The following KCNIP4 variants were observed in gnomAD, a reference collection of about 807,000 sequenced individuals.
KCNIP4 encodes potassium voltage-gated channel interacting protein 4.
KCNIP4 carries 12 observed loss-of-function variants against 34.0 expected under a neutral mutation model. The ratio of observed to expected loss-of-function variants is 0.35; its 90% CI spans 0.23 to 0.57. The LOEUF (loss-of-function observed/expected upper bound fraction) is 0.57, where lower values mean the gene tolerates loss of function less well. Ranked by LOEUF, KCNIP4 falls within the 20% of genes least tolerant of loss-of-function variation. The pLI, the probability that KCNIP4 is intolerant of heterozygous loss-of-function variation, is 0.83. For synonymous variants in KCNIP4, 124 were observed against 102.2 expected, an observed-to-expected ratio of 1.21 and a Z score of -1.29; for missense variants, 238 against 311.7, an observed-to-expected ratio of 0.76 and a Z score of 1.78.
intron 1 of KCNIP4, among the ~76,000 whole-genome samples, chr4:21,170,121 C>G (rs1165747554): frequency 6.6e-6 from 1 of 151,818 alleles, no homozygotes; most frequent in Non-Finnish European, 1.5e-5. Flanking sequence ...AGAGCTTTAC[C>G]AGAGATTTAT....
chr4:20,756,612 C>G (rs1358927200), intron 4 of KCNIP4, among the ~76,000 whole-genome samples: 5 of 151,768 alleles, frequency 3.3e-5, no homozygotes, highest in Admixed American at 3.3e-4. Flanking sequence ...TCTCATCGTC[C>G]TTTTCACCCT....
chr4:21,262,216 G>C (rs932789507), intron 1 of KCNIP4, among the ~76,000 whole-genome samples: 1 of 151,868 alleles, frequency 6.6e-6, no homozygotes, highest in African/African-American at 2.4e-5. Flanking sequence ...TCAGGTCTTG[G>C]TTTTGATGTC....
rs995801248 is a variant in KCNIP4 at position 21,784,315 on chromosome 4, C to T, written c.61+164256G>A. ...ATATATAAAACAAAAACTTACTCGA[C>T]TCCAACAAATCCTGTGCTCTGTCAC... is the stretch of plus-strand genomic sequence containing the variant. On this transcript the variant is annotated intron_variant, in intron 1 of 8. Coordinates refer to ENST00000382152, the MANE Select transcript of KCNIP4 (RefSeq NM_025221.6). Among the ~76,000 whole-genome samples, 6 of 152,210 alleles carry T rather than the reference C, an allele frequency of 3.9e-5. No homozygotes were observed. In the East Asian group the frequency reaches 1.2e-3, roughly 29 times the overall value.
At chr4:21,571,864 G>C (rs1163042115) in intron 1 of KCNIP4, among the ~76,000 whole-genome samples, 2 of 152,088 alleles carry the variant, frequency 1.3e-5, no homozygotes, top group Non-Finnish European at 1.5e-5. Context: ...CATCTATCAA[G>C]CACTTTGCTG....
At chr4:21,657,964 T>C (rs995318370) in intron 1 of KCNIP4, among the ~76,000 whole-genome samples, 8 of 151,956 alleles carry the variant, frequency 5.3e-5, no homozygotes, top group African/African-American at 1.7e-4. Flanking sequence ...CTCAGCTTCC[T>C]GAGTAGCTGG....
At chr4:21,042,809 T>C (rs1445719577) in intron 1 of KCNIP4, among the ~76,000 whole-genome samples, 2 of 152,182 alleles carry the variant, frequency 1.3e-5, no homozygotes, top group Non-Finnish European at 2.9e-5. Flanking sequence ...TTATTATGTG[T>C]CAATCGTGAA....
chr4:21,509,286 G>A (rs553380652), intron 1 of KCNIP4, among the ~76,000 whole-genome samples: 1 of 152,046 alleles, frequency 6.6e-6, no homozygotes, highest in Non-Finnish European at 1.5e-5. Context: ...TGCACAATAG[G>A]TATGATTAAT....
At chr4:20,992,167 T>C (rs1281995234) in intron 1 of KCNIP4, among the ~76,000 whole-genome samples, 1 of 152,114 alleles carries the variant, frequency 6.6e-6, no homozygotes, top group African/African-American at 2.4e-5. Flanking sequence ...AGGAAAGAGG[T>C]TTACTTGACT....
chr4:20,842,511 A>G (rs1719865982), intron 3 of KCNIP4, among the ~76,000 whole-genome samples: 1 of 145,372 alleles, frequency 6.9e-6, no homozygotes. Context: ...CCAATATCTG[A>G]CTTATAGTAG....
Position 21,800,627 on chromosome 4 carries a change from C to T in KCNIP4, c.61+147944G>A, listed in dbSNP as rs535120504. Among the ~76,000 whole-genome samples, 5 of 152,152 alleles carry T rather than the reference C, an allele frequency of 3.3e-5. No homozygotes were observed. The East Asian group carries it at 9.7e-4, about 29-fold the overall frequency. On this transcript the variant is annotated intron_variant, in intron 1 of 8. Transcript: ENST00000382152. Reference sequence around the variant, plus strand: ...CCCAATCATGTACATTTTCTGTTTTCGATGAATGGTTTCTACTTTCATCAT... The same window carrying T: ...CCCAATCATGTACATTTTCTGTTTTTGATGAATGGTTTCTACTTTCATCAT...
At chr4:21,893,077 A>C (rs1225859015) in intron 1 of KCNIP4, among the ~76,000 whole-genome samples, 1 of 152,222 alleles carries the variant, frequency 6.6e-6, no homozygotes, top group Non-Finnish European at 1.5e-5. Context: ...AACCTAATGC[A>C]TTTAGATAAC....
rs186223407 is a variant in KCNIP4, at chr4:21,224,640, G to A, written c.62-341931C>T. 9.6e-4 allele frequency among the ~76,000 whole-genome samples: 125 copies of A among 129,824 alleles called. 1 individual carries two copies. In the East Asian group the frequency reaches 0.025, roughly 25 times the overall value. 85.2% of individuals were successfully genotyped at this position (129,824 alleles called of 152,430 possible). A position where few individuals can be genotyped will look rare whatever the true frequency, so the allele number is the denominator to read the frequency against. On this transcript the variant is annotated intron_variant, in intron 1 of 8. Coordinates refer to ENST00000382152, the MANE Select transcript of KCNIP4 (RefSeq NM_025221.6). ...CTTGCTCTGTCACCCAGGCTGGAGT[G>A]CAATGGTGCCATCTCAGCTCACTGC... is the stretch of plus-strand genomic sequence containing the variant.
intron 1 of KCNIP4, among the ~76,000 whole-genome samples, chr4:21,550,429 G>A (rs898662996): frequency 2.0e-5 from 3 of 152,098 alleles, no homozygotes; most frequent in African/African-American, 7.2e-5. Flanking sequence ...AGATTAGAGT[G>A]CCTGAGAATA....
At chr4:21,572,940 C>T (rs943899512) in intron 1 of KCNIP4, among the ~76,000 whole-genome samples, 1 of 152,072 alleles carries the variant, frequency 6.6e-6, no homozygotes, top group Non-Finnish European at 1.5e-5. Flanking sequence ...TCCTTCTTTT[C>T]TTGCCTTTGT....
intron 1 of KCNIP4, among the ~76,000 whole-genome samples, chr4:21,430,670 C>T (rs1304769201): frequency 6.6e-6 from 1 of 151,972 alleles, no homozygotes; most frequent in East Asian, 1.9e-4. Context: ...CTTACAATAG[C>T]CTCCGAAGGT....
intron 2 of KCNIP4, among the ~76,000 whole-genome samples, chr4:20,867,278 T>C (rs1722969657): frequency 1.3e-5 from 2 of 151,792 alleles, no homozygotes; most frequent in African/African-American, 4.8e-5. Context: ...TAAACTCTAC[T>C]ATAAAGCCAC....
intron 1 of KCNIP4, among the ~76,000 whole-genome samples, chr4:21,887,030 G>T (rs1479360404): frequency 6.6e-6 from 1 of 152,126 alleles, no homozygotes; most frequent in Non-Finnish European, 1.5e-5. Context: ...TGACATCATT[G>T]CCAGCTTCAG....
At chr4:20,955,582 C>A (rs888666353) in intron 1 of KCNIP4, among the ~76,000 whole-genome samples, 2 of 152,040 alleles carry the variant, frequency 1.3e-5, no homozygotes, top group African/African-American at 4.8e-5. Context: ...AAATGATTTT[C>A]CAGCAAGTCC....
intron 1 of KCNIP4, among the ~76,000 whole-genome samples, chr4:21,666,662 T>C (rs990446799): frequency 1.6e-4 from 24 of 152,290 alleles, no homozygotes; most frequent in African/African-American, 2.2e-4. Flanking sequence ...AAATTAACAA[T>C]ACTAATCTCT....
Sources: gnomAD v4.1 joint callset for allele counts (sites outside exome capture counted in the v4.1 genomes callset) on GRCh38, gnomAD v4.1.1 for gene constraint, MANE v1.5 for transcripts, NCBI Gene and HGNC (gene_info 2026-07-23, HGNC 2026-07-21) for gene names.